The following DERA variants were observed in gnomAD, a reference collection of about 807,000 sequenced individuals.
DERA encodes the protein deoxyribose-phosphate aldolase.
In DERA, 15 loss-of-function variants were observed where a neutral mutation model predicts 41.1. The ratio of observed to expected loss-of-function variants is 0.37; its 90% confidence interval spans 0.24 to 0.56. DERA has a LOEUF of 0.56. Among genes scored for constraint, DERA ranks in the 20% least tolerant of loss-of-function variants. The pLI is 0.81. For synonymous variants in DERA, 139 were observed against 137.4 expected, an observed-to-expected ratio of 1.01 and a Z score of -0.08; for missense variants, 396 against 403.4, an observed-to-expected ratio of 0.98 and a Z score of 0.16.
chr12:15,924,013 G>A lies in DERA; in HGVS notation c.31+12599G>A, dbSNP rs1278695405. The stretch of plus-strand genomic sequence containing the variant: ...ATTACTGTATTCTCAGTCTTTAGTT[G>A]AAGAAAATAATTGAGTTAGTGAGTA... On this transcript the variant is annotated intron_variant, in intron 1 of 8. Transcript: ENST00000428559. The surrounding 1 kb of genome is among the most constrained non-coding windows in gnomAD (Gnocchi z 5.0). 6.6e-6 allele frequency among the ~76,000 whole-genome samples: 1 copy of A among 152,112 alleles called. No homozygotes were observed. Among genetic ancestry groups the A allele is most frequent in the East Asian group, 1.9e-4 (1 of 5,190 alleles).
intron 1 of DERA, among the ~76,000 whole-genome samples, chr12:15,942,326 T>C (rs1443486940): frequency 6.6e-6 from 1 of 152,232 alleles, no homozygotes; most frequent in Non-Finnish European, 1.5e-5. Context: ...CTGTTAACTT[T>C]GCTAATTTTT....
At position 15,970,385 on chromosome 12, in the gene DERA, A is replaced by G. The variant is rs1282814331; in HGVS notation, c.508+7438A>G. ...TTTAAACGCTTGGATTCTTACTTAA[A>G]TCATAATTTTATACATATAAGTTTT... On this transcript the variant is annotated intron_variant, in intron 5 of 8. Coordinates refer to ENST00000428559, the MANE Select transcript of DERA (RefSeq NM_015954.4). The surrounding 1 kb of genome is among the most constrained non-coding windows in gnomAD (Gnocchi z 4.3). 6.6e-6 allele frequency among the ~76,000 whole-genome samples: 1 copy of G among 152,198 alleles called. No individual in the cohort carries two copies. Among genetic ancestry groups the G allele is most frequent in the East Asian group, 1.9e-4 (1 of 5,196 alleles).
At chr12:15,942,636 A>G (rs1338556701) in intron 1 of DERA, among the ~76,000 whole-genome samples, 2 of 152,144 alleles carry the variant, frequency 1.3e-5, no homozygotes, top group East Asian at 3.9e-4. Context: ...TATTCTGAGT[A>G]CCCTCAGTAA....
chr12:16,032,012 G>A (rs933759349), intron 6 of DERA, among the ~76,000 whole-genome samples: 5 of 152,130 alleles, frequency 3.3e-5, no homozygotes, highest in Non-Finnish European at 5.9e-5. Context: ...ATGAAATAGC[G>A]TGGTCTCTTT....
chr12:15,980,194 C>A (rs1948723803), intron 5 of DERA, among the ~76,000 whole-genome samples: 1 of 152,214 alleles, frequency 6.6e-6, no homozygotes, highest in African/African-American at 2.4e-5. Flanking sequence ...CTTTGTATAT[C>A]TCTCTCTCAT....
chr12:15,921,581 A>AT lies in DERA; in HGVS notation c.31+10169dup, dbSNP rs1948244747. On this transcript the variant is annotated intron_variant, in intron 1 of 8. Transcript: ENST00000428559. The surrounding 1 kb of genome is among the most constrained non-coding windows in gnomAD (Gnocchi z 5.3). ...TGTATATTGTGGTATTTTGAGGGAG[A>AT]TTATTTTTTCTTCAGTAAGTAGCAA... Among the ~76,000 whole-genome samples the AT allele has an allele frequency of 6.6e-6, 1 of 152,034 alleles. No individual in the cohort carries two copies. Among genetic ancestry groups the AT allele is most frequent in the Admixed American group, 6.6e-5 (1 of 15,264 alleles).
At chr12:15,950,216 G>C (rs1234397093) in intron 1 of DERA, among the ~76,000 whole-genome samples, 1 of 152,246 alleles carries the variant, frequency 6.6e-6, no homozygotes, top group African/African-American at 2.4e-5. Flanking sequence ...TCCATAGACA[G>C]AGCAGCCCTG....
At position 15,919,028 on chromosome 12, in the gene DERA, C is replaced by G. The variant is rs12579103; in HGVS notation, c.31+7614C>G. On this transcript the variant is annotated intron_variant, in intron 1 of 8. Transcript: ENST00000428559. ...TATGTGTGAAATACATACACAGAGT[C>G]AATAATTATGTACATTTTAGATTTT... Among the ~76,000 whole-genome samples, 264 of 152,126 alleles carry G rather than the reference C, an allele frequency of 1.7e-3. 4 individuals are homozygous for G. The East Asian group carries it at 0.041, about 24-fold the overall frequency.
chr12:16,004,325 C>T lies in DERA; in HGVS notation c.637+21889C>T, dbSNP rs189643435. ...GCACATATAATTCCCCCAGACCCTA[C>T]ATAAAGCAAAAGGAACCACTGCAGA... On this transcript the variant is annotated intron_variant, in intron 6 of 8. Transcript: ENST00000428559. This position sits in a 1 kb window ranked among gnomAD's most constrained non-coding sequence, Gnocchi z 4.2. 1.0e-3 allele frequency among the ~76,000 whole-genome samples: 155 copies of T among 152,140 alleles called. No individual in the cohort carries two copies. The highest frequency in any genetic ancestry group is 3.6e-3 in the African/African-American group (151 of 41,484).
intron 6 of DERA, among the ~76,000 whole-genome samples, chr12:16,029,933 T>G (rs1385637754): frequency 7.7e-6 from 1 of 130,312 alleles, no homozygotes; most frequent in African/African-American, 2.8e-5. Context: ...TTTTTTTTTT[T>G]TTTTTTTGAG....
At position 15,965,576 on chromosome 12, in the gene DERA, T is replaced by A. The variant is rs531900075; in HGVS notation, c.508+2629T>A. 3.9e-5 allele frequency among the ~76,000 whole-genome samples: 6 copies of A among 152,268 alleles called. No homozygotes were observed. The highest frequency in any genetic ancestry group is 1.4e-4 in the African/African-American group (6 of 41,564). On this transcript the variant is annotated intron_variant, in intron 5 of 8. Transcript: ENST00000428559. The surrounding 1 kb of genome is among the most constrained non-coding windows in gnomAD (Gnocchi z 4.1). ...TGGTCTTAACCATTTCTCATGGATG[T>A]GAGAGTCCACAGTTTAGGGTATGAA...
rs545855813 is a variant in DERA at position 16,000,025 on chromosome 12, T to C, written c.637+17589T>C. ...CTGAGATGCAATGCAGGCAATGCAG[T>C]GGGTATGGAGCAGAGTAGATGCCTG... On this transcript the variant is annotated intron_variant, in intron 6 of 8. Transcript: ENST00000428559. This position sits in a 1 kb window ranked among gnomAD's most constrained non-coding sequence, Gnocchi z 4.8. Among the ~76,000 whole-genome samples the C allele has an allele frequency of 4.3e-4, 66 of 152,122 alleles. No individual in the cohort carries two copies. The highest frequency in any genetic ancestry group is 1.5e-3 in the African/African-American group (64 of 41,482).
At chr12:15,955,296 GAA>G (rs35293991) in intron 1 of DERA, among the ~76,000 whole-genome samples, 5 of 134,542 alleles carry the variant, frequency 3.7e-5, no homozygotes, top group Admixed American at 7.5e-5. Context: ...GACTGTGTCT[GAA>G]AAAAAAAAAA....
intron 6 of DERA, among the ~76,000 whole-genome samples, chr12:16,028,326 T>C (rs1949067076): frequency 6.6e-6 from 1 of 152,196 alleles, no homozygotes; most frequent in Non-Finnish European, 1.5e-5. Context: ...GCTGGAACCG[T>C]GTGAACAATA....
In DERA at chr12:15,912,669, ATAGTAT is replaced by A. The variant is rs1474051811; in HGVS notation, c.31+1262_31+1267del. Among the ~76,000 whole-genome samples, 17 of 152,292 alleles carry A rather than the reference ATAGTAT, an allele frequency of 1.1e-4. No homozygotes were observed. The East Asian group carries it at 1.9e-3, about 17-fold the overall frequency. On this transcript the variant is annotated intron_variant, in intron 1 of 8. Coordinates refer to ENST00000428559, the MANE Select transcript of DERA (RefSeq NM_015954.4). ...GACACCTAGTAAGTCTTCAGTATAG[ATAGTAT>A]TAGTATATGGAGTTATGGTTTTAGG...
In DERA at chr12:16,036,145, GA is replaced by G; in HGVS notation, c.751-85del. On this transcript the variant is annotated intron_variant, in intron 7 of 8. Transcript: ENST00000428559. This position sits in a 1 kb window ranked among gnomAD's most constrained non-coding sequence, Gnocchi z 4.9. Reference sequence around the variant, plus strand: ...TTTTTCAACAAAAGAGGGAGAGAGAGAATCAAGACTCTGATAAACATAGTAC... The same window carrying G: ...TTTTTCAACAAAAGAGGGAGAGAGAGATCAAGACTCTGATAAACATAGTAC... 8.3e-7 allele frequency: 1 copy of G among 1,202,036 alleles called. No individual in the cohort carries two copies. 74.5% of individuals were successfully genotyped at this position (1,202,036 alleles called of 1,614,324 possible). A position where few individuals can be genotyped will look rare whatever the true frequency, so the allele number is the denominator to read the frequency against.
At chr12:16,027,401 C>T (rs1949060523) in intron 6 of DERA, among the ~76,000 whole-genome samples, 1 of 152,188 alleles carries the variant, frequency 6.6e-6, no homozygotes, top group South Asian at 2.1e-4. Context: ...ATGTTACCCT[C>T]TTTGGGAAAA....
chr12:16,029,655 A>G (rs1949077471), intron 6 of DERA, among the ~76,000 whole-genome samples: 1 of 151,944 alleles, frequency 6.6e-6, no homozygotes, highest in Non-Finnish European at 1.5e-5. Context: ...GATACAGAAG[A>G]GTATAAGAAA....
rs542146233 is a variant in DERA at position 15,994,965 on chromosome 12, T to C, written c.637+12529T>C. On this transcript the variant is annotated intron_variant, in intron 6 of 8. Coordinates refer to ENST00000428559, the MANE Select transcript of DERA (RefSeq NM_015954.4). The surrounding 1 kb of genome is among the most constrained non-coding windows in gnomAD (Gnocchi z 4.8). ...TATCTTATTATCATCTTTTAGTAGA[T>C]GAAAACCTGAAGCTCAGAAGTTAAG... Among the ~76,000 whole-genome samples, 9 of 152,224 alleles carry C rather than the reference T, an allele frequency of 5.9e-5. No individual in the cohort carries two copies. The highest frequency in any genetic ancestry group is 1.0e-4 in the Non-Finnish European group (7 of 68,038).
Sources: allele counts gnomAD v4.1 joint callset (sites outside exome capture counted in the v4.1 genomes callset), GRCh38; gene constraint gnomAD v4.1.1; non-coding constraint Gnocchi (gnomAD v3.1); transcripts MANE v1.5; gene names NCBI Gene and HGNC (gene_info 2026-07-23, HGNC 2026-07-21).